CACNA1I: variants seen among roughly 807,000 people sequenced by gnomAD.
CACNA1I encodes the protein voltage-dependent T-type calcium channel subunit alpha-1I.
In CACNA1I, 74 loss-of-function variants were observed where a neutral mutation model predicts 201.6. That is an observed-to-expected ratio of 0.37 (90% CI 0.30 to 0.45). CACNA1I has a LOEUF of 0.45. Ranked by LOEUF, CACNA1I falls within the 20% of genes least tolerant of loss-of-function variation. The pLI is 1.00. For missense variants in CACNA1I, 2,346 were observed against 3,138.1 expected (o/e 0.75, Z 6.03); for synonymous variants, 1,431 against 1,345.2 (o/e 1.06, Z -1.40).
rs1447390982 is a variant in CACNA1I, at chr22:39,570,861, G to A, written c.109G>A (p.Gly37Ser). 1 of 1,613,556 alleles carries A rather than the reference G, an allele frequency of 6.2e-7. No homozygotes were observed. Among genetic ancestry groups the A allele is most frequent in the East Asian group, 2.2e-5 (1 of 44,892 alleles). ...GPRSPPSSPP[G>S]LEEPLDGADP... is the part of the protein sequence containing the mutation. ...CCGGAGCCCCCCATCCTCCCCGCCA[G>A]GCCTGGAGGAGCCTCTGGATGGAGC... Residue 37 changes from glycine (G) to serine (S), a missense_variant, in exon 1 of 37, where the codon GGC (glycine) becomes AGC (serine). Physicochemically the swap from Gly to Ser is moderately conservative, Grantham distance 56. Around this residue, in one of 13 missense-constraint regions of CACNA1I, gnomAD observed 130 missense variants for 160.7 expected, o/e 0.81. Coordinates refer to ENST00000402142, the MANE Select transcript of CACNA1I (RefSeq NM_021096.4).
chr22:39,645,347 G>A (rs1447608062), intron 7 of CACNA1I, among the ~76,000 whole-genome samples: 3 of 152,234 alleles, frequency 2.0e-5, no homozygotes, highest in Non-Finnish European at 4.4e-5. Context: ...TACAGATGGG[G>A]AAGTGGAGGC....
rs754670334 is a variant in CACNA1I at position 39,679,915 on chromosome 22, G to C, written c.5541+47G>C. The C allele has an allele frequency of 2.5e-6, 4 of 1,574,520 alleles. No individual in the cohort carries two copies. In the African/African-American group the frequency reaches 5.4e-5, roughly 21 times the overall value. On this transcript the variant is annotated intron_variant, in intron 33 of 36. Coordinates refer to ENST00000402142, the MANE Select transcript of CACNA1I (RefSeq NM_021096.4). ...TGGCCCCTTGTGGCAGGGGCAGCAC[G>C]AAACCTGGTGGGGGGCCTGTCCGAG...
intron 10 of CACNA1I, among the ~76,000 whole-genome samples, chr22:39,651,179 C>T (rs1934636402): frequency 1.3e-5 from 2 of 152,192 alleles, no homozygotes; most frequent in Non-Finnish European, 2.9e-5. Flanking sequence ...CCGCCGCCAG[C>T]TGGGGGCCAG....
At chr22:39,630,521 G>A (rs1219759009) in intron 4 of CACNA1I, among the ~76,000 whole-genome samples, 1 of 152,222 alleles carries the variant, frequency 6.6e-6, no homozygotes, top group East Asian at 1.9e-4. Flanking sequence ...ACTCATTCAA[G>A]CTGTCGGCCT....
intron 3 of CACNA1I, among the ~76,000 whole-genome samples, chr22:39,605,187 C>T (rs1219275527): frequency 2.6e-5 from 4 of 151,820 alleles, no homozygotes; most frequent in Non-Finnish European, 2.9e-5. Context: ...CCTCCCCTTC[C>T]CCAAATTAAT....
At chr22:39,621,926 A>G (rs377069327) in intron 4 of CACNA1I, among the ~76,000 whole-genome samples, 13 of 152,214 alleles carry the variant, frequency 8.5e-5, no homozygotes, top group Admixed American at 7.8e-4. Flanking sequence ...CTCCTTGAAG[A>G]TCACCTAGTT....
At chr22:39,670,747 T>C (rs1935347782) in intron 25 of CACNA1I, 56 bp from the exon 26 acceptor site, 11 of 1,583,642 alleles carry the variant, frequency 6.9e-6, no homozygotes, top group African/African-American at 2.7e-5. Context: ...CTCTGTGCCC[T>C]TTCCCTTGAC....
intron 7 of CACNA1I, 113 bp downstream of exon 7, chr22:39,643,002 CG>C: frequency 7.5e-6 from 5 of 667,664 alleles, no homozygotes; most frequent in Non-Finnish European, 1.3e-5. Context: ...CCAGGACAGC[CG>C]GGATGAGGGA....
At chr22:39,650,017 G>T in intron 10 of CACNA1I, 92 bp downstream of exon 10, 1 of 1,373,138 alleles carries the variant, frequency 7.3e-7, no homozygotes, top group Non-Finnish European at 1.0e-6. Flanking sequence ...CATCTGCCTG[G>T]GTTTGTGTGT....
chr22:39,633,300 A>G (rs1934114496), intron 4 of CACNA1I, among the ~76,000 whole-genome samples: 1 of 152,200 alleles, frequency 6.6e-6, no homozygotes, highest in Admixed American at 6.5e-5. Context: ...CCAGAACCTT[A>G]TAGCCTAGTG....
chr22:39,646,113 C>T (rs917913885), intron 7 of CACNA1I, among the ~76,000 whole-genome samples: 6 of 151,986 alleles, frequency 3.9e-5, no homozygotes, highest in African/African-American at 9.7e-5. Context: ...AGATTCCGGT[C>T]GGGCCCAGGG....
chr22:39,689,538 C>T lies in CACNA1I; in HGVS notation c.*3133C>T, dbSNP rs1341040042. On this transcript the variant is annotated 3_prime_UTR_variant, in exon 37 of 37. Transcript: ENST00000402142. ...ACTGAGGAGGCAGAGGCCACCTCCT[C>T]CAGAAAGCCCTCGGCCTGGGCCGCC... 1 of 152,852 alleles carries T rather than the reference C, an allele frequency of 6.5e-6. No homozygotes were observed. Among genetic ancestry groups the T allele is most frequent in the Non-Finnish European group, 1.5e-5 (1 of 68,190 alleles). 9.5% of individuals were successfully genotyped at this position (152,852 alleles called of 1,614,324 possible).
rs1159846209 is a variant in CACNA1I, at chr22:39,666,728, CA to C, written c.4104+723del. On this transcript the variant is annotated intron_variant, in intron 23 of 36. Transcript: ENST00000402142. The surrounding 1 kb of genome is among the most constrained non-coding windows in gnomAD (Gnocchi z 4.1). Reference sequence around the variant, plus strand: ...GAGCAGGCTCCAGGCCCTCGTCCCCCACTGGCTGATGGGCAGCCTCCAGCTA... The same window carrying C: ...GAGCAGGCTCCAGGCCCTCGTCCCCCCTGGCTGATGGGCAGCCTCCAGCTA... Among the ~76,000 whole-genome samples the C allele has an allele frequency of 6.6e-6, 1 of 152,238 alleles. No individual in the cohort carries two copies. Among genetic ancestry groups the C allele is most frequent in the African/African-American group, 2.4e-5 (1 of 41,470 alleles).
In CACNA1I at chr22:39,689,364, C is replaced by G. The variant is rs192145443; in HGVS notation, c.*2959C>G. ...CCCAAATCCTCAGCTCAGAGCCTTC[C>G]GCTTCCAGGGCCAACCCCAGCCCCG... On this transcript the variant is annotated 3_prime_UTR_variant, in exon 37 of 37. Coordinates refer to ENST00000402142, the MANE Select transcript of CACNA1I (RefSeq NM_021096.4). 1.3e-5 allele frequency: 2 copies of G among 152,802 alleles called. No individual in the cohort carries two copies. The highest frequency in any genetic ancestry group is 2.9e-5 in the Non-Finnish European group (2 of 68,142). The allele number at this position is 152,802 out of a possible 1,614,324, so 9.5% of individuals were successfully genotyped here.
intron 3 of CACNA1I, among the ~76,000 whole-genome samples, chr22:39,603,454 A>G (rs1338204552): frequency 6.6e-6 from 1 of 152,088 alleles, no homozygotes. Flanking sequence ...ATTCACAAGA[A>G]CACTTCTTGT....
At position 39,670,828 on chromosome 22, in the gene CACNA1I, C is replaced by T. The variant is rs1209076555; in HGVS notation, c.4413C>T (p.Ala1471=). Reference sequence around the variant, plus strand: ...AGGCCCAGCGGCTGCCCTACTATGCCACCTATTGTCACACCCGGCTGCTCA... The same window carrying T: ...AGGCCCAGCGGCTGCCCTACTATGCTACCTATTGTCACACCCGGCTGCTCA... ...RRKAQRLPYY[A]TYCHTRLLIH... Residue 1471 remains alanine (A), a synonymous_variant, in exon 26 of 37, where the codon GCC becomes GCT. Coordinates refer to ENST00000402142, the MANE Select transcript of CACNA1I (RefSeq NM_021096.4). The T allele has an allele frequency of 6.2e-7, 1 of 1,613,946 alleles. No homozygotes were observed. The highest frequency in any genetic ancestry group is 1.3e-5 in the African/African-American group (1 of 75,026).
rs575049762 is a variant in CACNA1I at position 39,646,774 on chromosome 22, G to A, written c.1355G>A (p.Arg452His). Residue 452 changes from arginine to histidine, a missense_variant, in exon 8 of 37, where the codon CGC (arginine) becomes CAC (histidine). Physicochemically the swap from Arg to His is conservative, Grantham distance 29. Around this residue, in one of 13 missense-constraint regions of CACNA1I, gnomAD observed 312 missense variants for 331.5 expected, o/e 0.94. Transcript: ENST00000402142. ...CACATCCTGCGCAAGGCCAAGCGCC[G>A]CGCCCTGGGCCTCTACCAGGCCCTG... ...VCHILRKAKR[R>H]ALGLYQALQS... The A allele has an allele frequency of 7.9e-5, 125 of 1,579,964 alleles. No homozygotes were observed. The highest frequency in any genetic ancestry group is 1.4e-4 in the East Asian group (6 of 42,884).
rs768277025 is a variant in CACNA1I at position 39,666,038 on chromosome 22, C to T, written c.4104+32C>T. The T allele has an allele frequency of 2.8e-5, 45 of 1,601,610 alleles. No homozygotes were observed. In the East Asian group the frequency reaches 9.7e-4, roughly 35 times the overall value. Reference sequence around the variant, plus strand: ...ACCACCGTCCTAGCCCTGATCAGACCCTCCCCTCTCTTGGATGCCAGTGGC... The same window carrying T: ...ACCACCGTCCTAGCCCTGATCAGACTCTCCCCTCTCTTGGATGCCAGTGGC... On this transcript the variant is annotated intron_variant, in intron 23 of 36. Transcript: ENST00000402142. The surrounding 1 kb of genome is among the most constrained non-coding windows in gnomAD (Gnocchi z 4.1).
intron 5 of CACNA1I, among the ~76,000 whole-genome samples, chr22:39,636,755 C>G (rs1344064707): frequency 6.6e-6 from 1 of 152,202 alleles, no homozygotes; most frequent in African/African-American, 2.4e-5. Flanking sequence ...GGGAACCAGG[C>G]AGTTGGGCAG....
Sources: allele counts gnomAD v4.1 joint callset (sites outside exome capture counted in the v4.1 genomes callset), GRCh38; gene constraint gnomAD v4.1.1; regional missense constraint gnomAD v4.1.1; non-coding constraint Gnocchi (gnomAD v3.1); transcripts MANE v1.5; gene names NCBI Gene and HGNC (gene_info 2026-07-23, HGNC 2026-07-21).